CDH8: variants seen among roughly 807,000 people sequenced by gnomAD.
CDH8 encodes the protein cadherin 8, also known as cadherin-8.
A neutral mutation model predicts 68.1 loss-of-function variants in CDH8; 17 were observed. That is an observed-to-expected ratio of 0.25 (90% CI 0.17 to 0.37). The LOEUF (loss-of-function observed/expected upper bound fraction) is 0.37. Among genes scored for constraint, CDH8 ranks in the 10% least tolerant of loss-of-function variants. The pLI is 1.00. For synonymous variants in CDH8, 372 were observed against 365.1 expected, an observed-to-expected ratio of 1.02 and a Z score of -0.21; for missense variants, 763 against 999.3, an observed-to-expected ratio of 0.76 and a Z score of 3.19.
Position 61,662,004 on chromosome 16 carries a change from G to T in CDH8, c.1655-6283C>A, listed in dbSNP as rs979717790. Among the ~76,000 whole-genome samples the T allele has an allele frequency of 6.0e-5, 9 of 149,048 alleles. No homozygotes were observed. The East Asian group carries it at 1.8e-3, about 29-fold the overall frequency. ...CCTTTTGACTTTCAACAATTGGGAA[G>T]AGGATCAATGGTGTTTCTTGGAAGA... On this transcript the variant is annotated intron_variant, in intron 10 of 11. Coordinates refer to ENST00000577390, the MANE Select transcript of CDH8 (RefSeq NM_001796.5).
intron 6 of CDH8, among the ~76,000 whole-genome samples, chr16:61,820,284 A>G (rs1458964230): frequency 6.8e-6 from 1 of 147,360 alleles, no homozygotes; most frequent in African/African-American, 2.5e-5. Context: ...GAAAGCCAGG[A>G]TAACTGAACC....
chr16:61,653,606 TGTC>T lies in CDH8; in HGVS notation c.2399_*1del. 6.2e-7 allele frequency: 1 copy of T among 1,603,964 alleles called. No homozygotes were observed. Among genetic ancestry groups the T allele is most frequent in the Non-Finnish European group, 8.5e-7 (1 of 1,175,786 alleles). Reference sequence around the variant, plus strand: ...TTCCAGTGATTTATTTATAATCCACTGTCAAGTTTCTTTGTCACTTTCACCAAC... The same window carrying T: ...TTCCAGTGATTTATTTATAATCCACTAAGTTTCTTTGTCACTTTCACCAAC... On this transcript the variant is annotated stop_retained_variant and 3_prime_UTR_variant, in exon 12 of 12. Coordinates refer to ENST00000577390, the MANE Select transcript of CDH8 (RefSeq NM_001796.5).
intron 7 of CDH8, among the ~76,000 whole-genome samples, chr16:61,803,454 T>G (rs1189121281): frequency 1.4e-5 from 2 of 145,126 alleles, no homozygotes; most frequent in African/African-American, 2.6e-5. Context: ...AGGATCAAAT[T>G]CACACATAAC....
chr16:61,815,139 T>C (rs1292526621), intron 7 of CDH8, among the ~76,000 whole-genome samples: 1 of 152,190 alleles, frequency 6.6e-6, no homozygotes, highest in Non-Finnish European at 1.5e-5. Context: ...TGTCATCAAA[T>C]AGTGCTTTAT....
At chr16:61,837,877 C>T (rs1418218469) in intron 4 of CDH8, among the ~76,000 whole-genome samples, 3 of 151,910 alleles carry the variant, frequency 2.0e-5, no homozygotes, top group African/African-American at 7.3e-5. Context: ...TCTCTATGTC[C>T]CTCCAGGACA....
At chr16:61,884,124 C>G (rs1370123235) in intron 3 of CDH8, among the ~76,000 whole-genome samples, 1 of 152,074 alleles carries the variant, frequency 6.6e-6, no homozygotes, top group Non-Finnish European at 1.5e-5. Flanking sequence ...ACAGCCTTAA[C>G]TTGAAAGTTC....
At chr16:61,941,561 T>C in intron 2 of CDH8, among the ~76,000 whole-genome samples, 1 of 152,196 alleles carries the variant, frequency 6.6e-6, no homozygotes, top group Non-Finnish European at 1.5e-5. Context: ...GCAATTCTCC[T>C]GCCTCAGCCT....
intron 3 of CDH8, among the ~76,000 whole-genome samples, chr16:61,868,333 AAGAG>A (rs1402781567): frequency 6.6e-6 from 1 of 152,236 alleles, no homozygotes; most frequent in East Asian, 1.9e-4. Context: ...ATATATAAAT[AAGAG>A]AGAATTAATA....
intron 8 of CDH8, among the ~76,000 whole-genome samples, chr16:61,758,426 T>G (rs1960377077): frequency 6.6e-6 from 1 of 152,058 alleles, no homozygotes; most frequent in East Asian, 1.9e-4. Context: ...TTCTGTTTTG[T>G]TGTTGTTTTG....
In CDH8 at chr16:61,857,118, C is replaced by A; in HGVS notation, c.667+1G>T. On this transcript the variant is annotated splice_donor_variant, in intron 4 of 11. Transcript: ENST00000577390. LOFTEE classifies it high-confidence loss of function. ...TATAATTCGAAATTTAGGCCACAAACCTGTTTCAGGCTCAATGGAAAAATA... is the reference window on the plus strand; with the variant it reads ...TATAATTCGAAATTTAGGCCACAAAACTGTTTCAGGCTCAATGGAAAAATA... 1 of 1,613,364 alleles carries A rather than the reference C, an allele frequency of 6.2e-7. No individual in the cohort carries two copies.
At chr16:62,029,528 C>A (rs1202545810) in intron 1 of CDH8, among the ~76,000 whole-genome samples, 1 of 152,174 alleles carries the variant, frequency 6.6e-6, no homozygotes, top group East Asian at 1.9e-4. Context: ...TTTTTACTGT[C>A]CAGAACGAAC....
chr16:61,909,288 G>C (rs1964120215), intron 2 of CDH8, among the ~76,000 whole-genome samples: 1 of 152,104 alleles, frequency 6.6e-6, no homozygotes, highest in African/African-American at 2.4e-5. Context: ...GCTGTTTTTG[G>C]CTGTGGACAC....
chr16:61,669,800 C>T (rs1963754899), intron 10 of CDH8, among the ~76,000 whole-genome samples: 1 of 151,964 alleles, frequency 6.6e-6, no homozygotes, highest in African/African-American at 2.4e-5. Flanking sequence ...AGTTTGTTAC[C>T]GGGACAAAAC....
At chr16:61,699,438 A>C (rs2142845869) in intron 10 of CDH8, among the ~76,000 whole-genome samples, 1 of 152,352 alleles carries the variant, frequency 6.6e-6, no homozygotes, top group Non-Finnish European at 1.5e-5. Context: ...TAAGAAATTA[A>C]ATGAGTAATA....
chr16:61,984,456 G>GT (rs568736161), intron 2 of CDH8, among the ~76,000 whole-genome samples: 6,198 of 142,068 alleles, frequency 0.044, 298 homozygotes, highest in African/African-American at 0.12. Flanking sequence ...TGTCTTTTAC[G>GT]TTTTTTTTTT....
intron 10 of CDH8, among the ~76,000 whole-genome samples, chr16:61,676,165 C>T (rs1963905999): frequency 6.9e-6 from 1 of 144,000 alleles, no homozygotes; most frequent in African/African-American, 2.6e-5. Context: ...AAAACCACAA[C>T]GTTTTGCTTG....
chr16:61,762,506 G>A (rs1448517046), intron 8 of CDH8, among the ~76,000 whole-genome samples: 1 of 152,116 alleles, frequency 6.6e-6, no homozygotes, highest in Admixed American at 6.6e-5. Flanking sequence ...TTTCCAGATA[G>A]GGAAGGAACT....
At position 61,840,394 on chromosome 16, in the gene CDH8, G is replaced by A. The variant is rs964472572; in HGVS notation, c.668-15215C>T. On this transcript the variant is annotated intron_variant, in intron 4 of 11. Transcript: ENST00000577390. ...TACTCTTTCTCACCCAACCATTGAAGTCTTGGTCCATGTGCATTCTAGTGG... is the reference window on the plus strand; with the variant it reads ...TACTCTTTCTCACCCAACCATTGAAATCTTGGTCCATGTGCATTCTAGTGG... 5.9e-5 allele frequency among the ~76,000 whole-genome samples: 9 copies of A among 152,262 alleles called. No individual in the cohort carries two copies. The East Asian group carries it at 1.6e-3, about 26-fold the overall frequency.
At chr16:61,924,479 T>A (rs2143428187) in intron 2 of CDH8, among the ~76,000 whole-genome samples, 1 of 152,248 alleles carries the variant, frequency 6.6e-6, no homozygotes, top group South Asian at 2.1e-4. Flanking sequence ...ATGGGATATT[T>A]AATAACAAAA....
Sources: gnomAD v4.1 joint callset for allele counts (sites outside exome capture counted in the v4.1 genomes callset) on GRCh38, gnomAD v4.1.1 for gene constraint, MANE v1.5 for transcripts, NCBI Gene and HGNC (gene_info 2026-07-23, HGNC 2026-07-21) for gene names.